The following PRICKLE1 variants were observed in gnomAD, a reference collection of about 807,000 sequenced individuals.
PRICKLE1 encodes prickle-like protein 1.
Under a neutral mutation model 70.2 loss-of-function variants are expected in PRICKLE1, and 14 were observed. The observed-to-expected ratio is 0.20, with a 90% CI of 0.13 to 0.31. The LOEUF (loss-of-function observed/expected upper bound fraction) is 0.31, where lower values mean the gene tolerates loss of function less well. Among genes scored for constraint, PRICKLE1 ranks in the 10% least tolerant of loss-of-function variants. The pLI, the probability that PRICKLE1 is intolerant of heterozygous loss-of-function variation, is 1.00. For missense variants in PRICKLE1, 821 were observed against 1,026.2 expected, an observed-to-expected ratio of 0.80 and a Z score of 2.73; for synonymous variants, 357 against 379.9, an observed-to-expected ratio of 0.94 and a Z score of 0.70.
chr12:42,533,568 G>C (rs1472387220), intron 1 of PRICKLE1, among the ~76,000 whole-genome samples: 1 of 152,048 alleles, frequency 6.6e-6, no homozygotes, highest in Non-Finnish European at 1.5e-5. Flanking sequence ...CATTTGTTAA[G>C]TCTAGACAAC....
At chr12:42,588,956 C>T (rs1392675002) in intron 1 of PRICKLE1, among the ~76,000 whole-genome samples, 1 of 152,210 alleles carries the variant, frequency 6.6e-6, no homozygotes, top group Non-Finnish European at 1.5e-5. Context: ...CAAACACCAT[C>T]GCGGGGCAGG....
intron 1 of PRICKLE1, among the ~76,000 whole-genome samples, chr12:42,495,380 CAAAAAAAAA>C (rs756105644): frequency 1.4e-5 from 1 of 69,082 alleles, no homozygotes; most frequent in African/African-American, 5.1e-5. Flanking sequence ...GACCTTGTCT[CAAAAAAAAA>C]AAAAAAAAAA....
chr12:42,485,664 G>C (rs529908930), intron 1 of PRICKLE1, among the ~76,000 whole-genome samples: 1 of 152,128 alleles, frequency 6.6e-6, no homozygotes, highest in Non-Finnish European at 1.5e-5. Context: ...TATGATAAAG[G>C]GAGTATCAGC....
intron 1 of PRICKLE1, among the ~76,000 whole-genome samples, chr12:42,554,715 T>C (rs1348163290): frequency 6.6e-6 from 1 of 152,210 alleles, no homozygotes; most frequent in Non-Finnish European, 1.5e-5. Context: ...GGAGTGAATT[T>C]GCTAATGCCA....
intron 1 of PRICKLE1, among the ~76,000 whole-genome samples, chr12:42,480,038 G>C (rs1938736985): frequency 6.6e-6 from 1 of 152,132 alleles, no homozygotes; most frequent in Non-Finnish European, 1.5e-5. Flanking sequence ...TTAGCCTTCG[G>C]CTGATCATTT....
chr12:42,465,448 A>G, intron 6 of PRICKLE1, 190 bp from the exon 7 acceptor site: 1 of 608,842 alleles, frequency 1.6e-6, no homozygotes. Context: ...AAATTTATTC[A>G]CAACTCCCAA....
At chr12:42,493,895 G>A (rs1411561502) in intron 1 of PRICKLE1, among the ~76,000 whole-genome samples, 3 of 151,232 alleles carry the variant, frequency 2.0e-5, no homozygotes, top group East Asian at 1.9e-4. Flanking sequence ...AAAAGAGAAC[G>A]AAAGAAAGAA....
intron 1 of PRICKLE1, among the ~76,000 whole-genome samples, chr12:42,567,527 A>G (rs575463723): frequency 6.6e-6 from 1 of 152,304 alleles, no homozygotes; most frequent in South Asian, 2.1e-4. Context: ...GAGAGAAGAT[A>G]AGAAGTATAA....
chr12:42,496,493 G>A (rs1424441332), intron 1 of PRICKLE1, among the ~76,000 whole-genome samples: 1 of 152,188 alleles, frequency 6.6e-6, no homozygotes, highest in Non-Finnish European at 1.5e-5. Flanking sequence ...GAGTCAGCCT[G>A]TCTTTCAAAA....
chr12:42,520,513 A>G (rs778095190), intron 1 of PRICKLE1, among the ~76,000 whole-genome samples: 11 of 152,176 alleles, frequency 7.2e-5, no homozygotes, highest in Non-Finnish European at 1.6e-4. Flanking sequence ...TGCGATGGGG[A>G]TTAAATGAGA....
intron 1 of PRICKLE1, among the ~76,000 whole-genome samples, chr12:42,475,983 T>C (rs1027740418): frequency 6.7e-6 from 1 of 148,980 alleles, no homozygotes; most frequent in Non-Finnish European, 1.5e-5. Flanking sequence ...CCCTGTAATA[T>C]CAGCTACTCA....
At chr12:42,572,469 A>AATT (rs1566132167) in intron 1 of PRICKLE1, among the ~76,000 whole-genome samples, 2 of 146,598 alleles carry the variant, frequency 1.4e-5, no homozygotes, top group East Asian at 2.0e-4. Context: ...ATAAATAAAT[A>AATT]AATTAAAAAT....
At chr12:42,513,621 C>T (rs1326927162) in intron 1 of PRICKLE1, among the ~76,000 whole-genome samples, 2 of 151,808 alleles carry the variant, frequency 1.3e-5, no homozygotes, top group Admixed American at 1.3e-4. Context: ...TCACTGTCTA[C>T]TCCCTCTATT....
At position 42,568,489 on chromosome 12, in the gene PRICKLE1, T is replaced by C. The variant is rs151046375; in HGVS notation, c.-49+20976A>G. 3.1e-3 allele frequency among the ~76,000 whole-genome samples: 471 copies of C among 152,276 alleles called. 2 individuals carry two copies. Among genetic ancestry groups the C allele is most frequent in the African/African-American group, 0.01 (428 of 41,556 alleles). ...CATGCCCAGCCCGCATTATTTTAAA[T>C]AACAAAAATCTCATGGTGTAAATAC... is the stretch of plus-strand genomic sequence containing the variant. On this transcript the variant is annotated intron_variant, in intron 1 of 7. Transcript: ENST00000345127.
At chr12:42,557,865 A>C (rs966434965) in intron 1 of PRICKLE1, among the ~76,000 whole-genome samples, 10 of 152,218 alleles carry the variant, frequency 6.6e-5, no homozygotes, top group Non-Finnish European at 1.5e-5. Context: ...CAATCTTTTC[A>C]ATCAAAAAGT....
intron 1 of PRICKLE1, among the ~76,000 whole-genome samples, chr12:42,513,198 G>A (rs1472668365): frequency 2.0e-5 from 3 of 152,074 alleles, no homozygotes; most frequent in Admixed American, 6.6e-5. Context: ...CTGACTTCAG[G>A]TGATCCGCCC....
At chr12:42,474,554 G>A (rs550517398) in intron 1 of PRICKLE1, among the ~76,000 whole-genome samples, 18 of 152,276 alleles carry the variant, frequency 1.2e-4, no homozygotes, top group Non-Finnish European at 2.2e-4. Context: ...ACACAGGTGC[G>A]ACTCATTCAT....
At chr12:42,570,035 T>G (rs1187717214) in intron 1 of PRICKLE1, among the ~76,000 whole-genome samples, 1 of 152,240 alleles carries the variant, frequency 6.6e-6, no homozygotes, top group African/African-American at 2.4e-5. Flanking sequence ...ACAAGTAAAC[T>G]TTCAAGAAAA....
chr12:42,548,735 G>A (rs1940254822), intron 1 of PRICKLE1, among the ~76,000 whole-genome samples: 2 of 152,148 alleles, frequency 1.3e-5, no homozygotes, highest in Non-Finnish European at 2.9e-5. Context: ...CAGATGGAGA[G>A]AATGTGCTAT....
Sources: allele counts gnomAD v4.1 joint callset (sites outside exome capture counted in the v4.1 genomes callset), GRCh38; gene constraint gnomAD v4.1.1; transcripts MANE v1.5; gene names NCBI Gene and HGNC (gene_info 2026-07-23, HGNC 2026-07-21).